Variants in FAM227B observed in about 807,000 individuals in gnomAD.
FAM227B encodes family with sequence similarity 227 member B, also known as protein FAM227B.
Under a neutral mutation model 73.8 loss-of-function variants are expected in FAM227B, and 88 were observed. That is an observed-to-expected ratio of 1.19 (90% CI 1.00 to 1.42). FAM227B has a LOEUF of 1.42. FAM227B is among the 40% of genes most tolerant of loss of function. The pLI, the probability that FAM227B is intolerant of heterozygous loss-of-function variation, is 0.00. For missense variants in FAM227B, 632 were observed against 590.9 expected, an observed-to-expected ratio of 1.07 and a Z score of -0.72; for synonymous variants, 210 against 190.5, an observed-to-expected ratio of 1.10 and a Z score of -0.84.
intron 11 of FAM227B, among the ~76,000 whole-genome samples, chr15:49,413,395 A>C (rs909491296): frequency 6.6e-6 from 1 of 152,080 alleles, no homozygotes; most frequent in Non-Finnish European, 1.5e-5. Flanking sequence ...AGGCCTCCCC[A>C]ACCATGTGGA....
At chr15:49,456,037 G>A (rs1247733184) in intron 11 of FAM227B, among the ~76,000 whole-genome samples, 2 of 152,104 alleles carry the variant, frequency 1.3e-5, no homozygotes, top group African/African-American at 2.4e-5. Flanking sequence ...ATGCTTTAAT[G>A]TGACCGCATA....
intron 15 of FAM227B, chr15:49,329,837 G>C: frequency 1.3e-6 from 1 of 799,664 alleles, no homozygotes; most frequent in Non-Finnish European, 1.5e-6. Context: ...ACCTGTCATT[G>C]TTTTGCTGTT....
intron 11 of FAM227B, among the ~76,000 whole-genome samples, chr15:49,480,738 C>A (rs1238189116): frequency 2.0e-5 from 3 of 152,238 alleles, no homozygotes; most frequent in East Asian, 3.9e-4. Flanking sequence ...CTGACTCGGC[C>A]TCCCAAAGTG....
rs573234951 is a variant in FAM227B at position 49,402,212 on chromosome 15, T to C, written c.1013-30813A>G. Among the ~76,000 whole-genome samples the C allele has an allele frequency of 3.3e-5, 5 of 152,274 alleles. No individual in the cohort carries two copies. The South Asian group carries it at 1.0e-3, about 32-fold the overall frequency. The stretch of plus-strand genomic sequence containing the variant: ...ACTGCAAGACAAGCAAAGGGCATGA[T>C]AGAAAGACACAGAGATGATGTGTAT... On this transcript the variant is annotated intron_variant, in intron 11 of 15. Transcript: ENST00000299338.
At chr15:49,442,835 A>G (rs527802878) in intron 11 of FAM227B, among the ~76,000 whole-genome samples, 2 of 151,844 alleles carry the variant, frequency 1.3e-5, no homozygotes, top group Non-Finnish European at 3.0e-5. Context: ...CACGACACCT[A>G]TATACCTACT....
chr15:49,331,786 A>T lies in FAM227B; in HGVS notation c.1413T>A (p.His471Gln), dbSNP rs2038808493. 6.3e-7 allele frequency: 1 copy of T among 1,593,458 alleles called. No individual in the cohort carries two copies. The highest frequency in any genetic ancestry group is 1.3e-5 in the African/African-American group (1 of 74,506). The stretch of plus-strand genomic sequence containing the variant: ...TTTCAGAAAGAAAACCTACCAGTTT[A>T]TGTAGGAACTTCTCAAAGTCCTGTT... ...EVKQDFEKFLHKLRSEAEIER... is the reference protein window; with the variant it reads ...EVKQDFEKFLQKLRSEAEIER... The change falls in exon 15 of 16, where the codon CAT becomes CAA. Residue 471 changes from histidine (H) to glutamine (Q), a missense_variant. Transcript: ENST00000299338.
At chr15:49,394,527 G>A (rs1324022044) in intron 11 of FAM227B, among the ~76,000 whole-genome samples, 2 of 152,232 alleles carry the variant, frequency 1.3e-5, no homozygotes, top group East Asian at 1.9e-4. Context: ...AATTAAGGCC[G>A]ATTTGAGTTA....
intron 5 of FAM227B, among the ~76,000 whole-genome samples, chr15:49,584,548 C>A (rs1049163579): frequency 5.9e-5 from 9 of 152,044 alleles, no homozygotes; most frequent in African/African-American, 9.7e-5. Context: ...TAAAGGGCAT[C>A]CAAATAGAAA....
At chr15:49,572,270 ATGT>A in intron 8 of FAM227B, among the ~76,000 whole-genome samples, 1 of 152,046 alleles carries the variant, frequency 6.6e-6, no homozygotes, top group Non-Finnish European at 1.5e-5. Context: ...TGTATATAAG[ATGT>A]TGTTACAAAC....
At chr15:49,615,061 G>T in intron 2 of FAM227B, 60 bp downstream of exon 2, 1 of 1,518,072 alleles carries the variant, frequency 6.6e-7, no homozygotes, top group South Asian at 1.1e-5. Flanking sequence ...CTGATTACCT[G>T]AAATTCCAAG....
chr15:49,436,840 T>C (rs2051151229), intron 11 of FAM227B, among the ~76,000 whole-genome samples: 1 of 151,714 alleles, frequency 6.6e-6, no homozygotes, highest in Admixed American at 6.6e-5. Flanking sequence ...TATCAAGCAG[T>C]GGGATAATTT....
chr15:49,544,412 G>C (rs764884745), intron 9 of FAM227B, among the ~76,000 whole-genome samples: 3 of 152,098 alleles, frequency 2.0e-5, no homozygotes, highest in Non-Finnish European at 4.4e-5. Flanking sequence ...TTTGGATGAA[G>C]ACTTTAGGGT....
At chr15:49,611,363 T>C (rs978071395) in intron 2 of FAM227B, 95 bp from the exon 3 acceptor site, 6 of 640,264 alleles carry the variant, frequency 9.4e-6, no homozygotes, top group Non-Finnish European at 1.6e-5. Flanking sequence ...TGATACTCTA[T>C]TTATCATTTT....
chr15:49,589,458 T>C (rs912207723), intron 4 of FAM227B, among the ~76,000 whole-genome samples: 3 of 152,234 alleles, frequency 2.0e-5, no homozygotes, highest in African/African-American at 7.2e-5. Context: ...TAAAAAAATC[T>C]GTATTGAACC....
At chr15:49,611,190 A>G in intron 3 of FAM227B, 25 bp downstream of exon 3, 1 of 1,407,084 alleles carries the variant, frequency 7.1e-7, no homozygotes, top group Non-Finnish European at 1.0e-6. Flanking sequence ...ATGTAATGGC[A>G]CATAAAATAA....
At chr15:49,445,347 T>A (rs1406568428) in intron 11 of FAM227B, among the ~76,000 whole-genome samples, 1 of 151,612 alleles carries the variant, frequency 6.6e-6, no homozygotes, top group Non-Finnish European at 1.5e-5. Context: ...GTTTAGCTCT[T>A]ACTTATAAGT....
chr15:49,450,027 G>C (rs375630289), intron 11 of FAM227B, among the ~76,000 whole-genome samples: 14 of 152,204 alleles, frequency 9.2e-5, no homozygotes, highest in African/African-American at 3.4e-4. Flanking sequence ...GCATGAGCCC[G>C]TAAGGAATGG....
chr15:49,406,330 T>C (rs2048505815), intron 11 of FAM227B, among the ~76,000 whole-genome samples: 1 of 152,120 alleles, frequency 6.6e-6, no homozygotes, highest in South Asian at 2.1e-4. Context: ...CATATGGGCA[T>C]TCATCACAGT....
At chr15:49,459,170 T>C (rs1299808788) in intron 11 of FAM227B, among the ~76,000 whole-genome samples, 6 of 151,684 alleles carry the variant, frequency 4.0e-5, no homozygotes, top group Non-Finnish European at 8.8e-5. Context: ...TGTGCGTGTA[T>C]GTTTCTCACA....
Sources: allele counts gnomAD v4.1 joint callset (sites outside exome capture counted in the v4.1 genomes callset), GRCh38; gene constraint gnomAD v4.1.1; transcripts MANE v1.5; gene names NCBI Gene and HGNC (gene_info 2026-07-23, HGNC 2026-07-21).